HSPA13: variants seen among roughly 807,000 people sequenced by gnomAD.
HSPA13 encodes heat shock protein family A (Hsp70) member 13.
In HSPA13, 29 loss-of-function variants were observed where a neutral mutation model predicts 38.8. The observed-to-expected ratio is 0.75, with a 90% confidence interval of 0.56 to 1.02. The LOEUF is 1.02. Among genes scored for constraint, HSPA13 ranks in the 50% least tolerant of loss-of-function variants. The pLI is 0.00. For missense variants in HSPA13, 451 were observed against 560.9 expected, an observed-to-expected ratio of 0.80 and a Z score of 1.98; for synonymous variants, 192 against 205.3, an observed-to-expected ratio of 0.94 and a Z score of 0.56.
intron 3 of HSPA13, 49 bp downstream of exon 3, chr21:14,378,150 A>G (rs1341067447): frequency 6.8e-7 from 1 of 1,462,964 alleles, no homozygotes; most frequent in Non-Finnish European, 9.6e-7. Context: ...AAGGTTTTCA[A>G]CCCAACACAA....
At chr21:14,380,073 C>T (rs1984128687) in intron 2 of HSPA13, among the ~76,000 whole-genome samples, 1 of 150,108 alleles carries the variant, frequency 6.7e-6, no homozygotes, top group Admixed American at 6.6e-5. Context: ...CACTTCATAA[C>T]TTCCAAGAAA....
chr21:14,372,250 C>T lies in HSPA13; in HGVS notation c.*1367G>A, dbSNP rs529090601. 6.6e-6 allele frequency: 1 copy of T among 151,868 alleles called. No individual in the cohort carries two copies. The highest frequency in any genetic ancestry group is 2.4e-5 in the African/African-American group (1 of 41,458). The allele number at this position is 151,868 out of a possible 1,614,324, so 9.4% of individuals were successfully genotyped here. A position where few individuals can be genotyped will look rare whatever the true frequency, so the allele number is the denominator to read the frequency against. ...ACAATAAAAAACAAAAAAAGGTGAT[C>T]AGGATATAATTTTTGAATAATATGA... On this transcript the variant is annotated 3_prime_UTR_variant, in exon 5 of 5. Transcript: ENST00000285667.
In HSPA13 at chr21:14,372,222, T is replaced by C. The variant is rs1982843821; in HGVS notation, c.*1395A>G. 1 of 151,874 alleles carries C rather than the reference T, an allele frequency of 6.6e-6. No individual in the cohort carries two copies. The highest frequency in any genetic ancestry group is 2.4e-5 in the African/African-American group (1 of 41,350). The allele number at this position is 151,874 out of a possible 1,614,324, so 9.4% of individuals were successfully genotyped here. A position where few individuals can be genotyped will look rare whatever the true frequency, so the allele number is the denominator to read the frequency against. On this transcript the variant is annotated 3_prime_UTR_variant, in exon 5 of 5. Coordinates refer to ENST00000285667, the MANE Select transcript of HSPA13 (RefSeq NM_006948.5). ...TCAGCAATGGATAAAGCAGAGATACTTTACAATAAAAAACAAAAAAAGGTG... is the reference window on the plus strand; with the variant it reads ...TCAGCAATGGATAAAGCAGAGATACCTTACAATAAAAAACAAAAAAAGGTG...
At position 14,374,110 on chromosome 21, in the gene HSPA13, G is replaced by GTCCTGCTCC. The variant is rs775394453; in HGVS notation, c.922_923insGGAGCAGGA (p.Ser308delinsTrpSerArgThr). 2 of 1,614,088 alleles carry GTCCTGCTCC rather than the reference G, an allele frequency of 1.2e-6. No homozygotes were observed. Among genetic ancestry groups the GTCCTGCTCC allele is most frequent in the Non-Finnish European group, 1.7e-6 (2 of 1,180,018 alleles). The stretch of plus-strand genomic sequence containing the variant: ...CTGCTCCTCCACCGTTAGTAATACT[G>GTCCTGCTCC]ACAACTGAGCAGATTGATGAAGAGT... On this transcript the variant is annotated protein_altering_variant, in exon 5 of 5. Transcript: ENST00000285667.
rs771406187 is a variant in HSPA13 at position 14,378,217 on chromosome 21, C to T, written c.562G>A (p.Glu188Lys). The T allele has an allele frequency of 5.6e-6, 9 of 1,613,886 alleles. No homozygotes were observed. The highest frequency in any genetic ancestry group is 4.4e-5 in the South Asian group (4 of 91,078). The part of the protein sequence containing the change: ...FDLKQRNSTI[E>K]AANLAGLKIL... ...CTGTTACCTGCAAGGTTAGCAGCTT[C>T]AATTGTTGAATTTCTCTGTTTTAGA... is the stretch of plus-strand genomic sequence containing the variant. Residue 188 changes from glutamate (E) to lysine (K), a missense_variant, in exon 3 of 5, where the codon GAA becomes AAA. Glu to Lys is a moderately conservative substitution (Grantham distance 56, BLOSUM62 1). Transcript: ENST00000285667.
In HSPA13 at chr21:14,378,298, C is replaced by A. The variant is rs1474919967; in HGVS notation, c.481G>T (p.Ala161Ser). The A allele has an allele frequency of 3.1e-6, 5 of 1,613,760 alleles. No homozygotes were observed. Among genetic ancestry groups the A allele is most frequent in the Admixed American group, 1.7e-5 (1 of 60,006 alleles). ...LLLKLKEMAE[A>S]YLGMPVANAV... ...TTGGCAACTGGCATTCCAAGATATGCCTCTGCCATTTCCTTTAACTTCAAC... is the reference window on the plus strand; with the variant it reads ...TTGGCAACTGGCATTCCAAGATATGACTCTGCCATTTCCTTTAACTTCAAC... Residue 161 changes from alanine (A) to serine (S), a missense_variant, in exon 3 of 5, where the codon GCA (alanine) becomes TCA (serine). By Grantham distance (99) the Ala-to-Ser change is moderately conservative (BLOSUM62 1). Transcript: ENST00000285667.
intron 2 of HSPA13, among the ~76,000 whole-genome samples, chr21:14,379,517 T>C (rs1252831254): frequency 6.6e-6 from 1 of 152,032 alleles, no homozygotes; most frequent in Admixed American, 6.6e-5. Context: ...AGTGCCCACA[T>C]GAAACAAAAA....
At chr21:14,374,611 A>G (rs1204636512) in intron 4 of HSPA13, among the ~76,000 whole-genome samples, 1 of 152,192 alleles carries the variant, frequency 6.6e-6, no homozygotes, top group Non-Finnish European at 1.5e-5. Context: ...TGACTGGGTT[A>G]AAGCTATCTT....
In HSPA13 at chr21:14,371,985, A is replaced by G. The variant is rs1487213834; in HGVS notation, c.*1632T>C. On this transcript the variant is annotated 3_prime_UTR_variant, in exon 5 of 5. Coordinates refer to ENST00000285667, the MANE Select transcript of HSPA13 (RefSeq NM_006948.5). Reference sequence around the variant, plus strand: ...TTCAACAAACATTTTATACTTTTCTATCTACCTACTATACATATTTTCTAT... The same window carrying G: ...TTCAACAAACATTTTATACTTTTCTGTCTACCTACTATACATATTTTCTAT... The G allele has an allele frequency of 6.6e-6, 1 of 152,484 alleles. No individual in the cohort carries two copies. Among genetic ancestry groups the G allele is most frequent in the Non-Finnish European group, 1.5e-5 (1 of 67,946 alleles). The allele number at this position is 152,484 out of a possible 1,614,324, so 9.4% of individuals were successfully genotyped here.
rs773005162 is a variant in HSPA13, at chr21:14,373,756, G to C, written c.1277C>G (p.Pro426Arg). 1.2e-6 allele frequency: 2 copies of C among 1,614,038 alleles called. No individual in the cohort carries two copies. Among genetic ancestry groups the C allele is most frequent in the Non-Finnish European group, 1.7e-6 (2 of 1,180,040 alleles). The change falls in exon 5 of 5, where the codon CCC becomes CGC. Residue 426 changes from proline to arginine, a missense_variant. Coordinates refer to ENST00000285667, the MANE Select transcript of HSPA13 (RefSeq NM_006948.5). ...QVIQEFFGKD[P>R]NTSVDPDLAV... ...TAGGTCAGGGTCTACAGATGTGTTG[G>C]GATCTTTTCCAAAGAACTCTTGAAT...
chr21:14,373,399 A>C lies in HSPA13; in HGVS notation c.*218T>G, dbSNP rs1379622216. 42 of 506,078 alleles carry C rather than the reference A, an allele frequency of 8.3e-5. No individual in the cohort carries two copies. Among genetic ancestry groups the C allele is most frequent in the Non-Finnish European group, 4.2e-5 (12 of 286,390 alleles). 31.3% of individuals were successfully genotyped at this position (506,078 alleles called of 1,614,324 possible). A position where few individuals can be genotyped will look rare whatever the true frequency, so the allele number is the denominator to read the frequency against. ...TTGTACCTCAATTTTATCATTTTAG[A>C]GTATTTGTTAGAATAGGATCTCTCC... On this transcript the variant is annotated 3_prime_UTR_variant, in exon 5 of 5. Coordinates refer to ENST00000285667, the MANE Select transcript of HSPA13 (RefSeq NM_006948.5).
chr21:14,374,148 G>T lies in HSPA13; in HGVS notation c.885C>A (p.Val295=). Residue 295 remains valine (V), a synonymous_variant, in exon 5 of 5, where the codon GTC becomes GTA. Transcript: ENST00000285667. ...IHRLRQAVEM[V]KLNLTLHQSA... Reference sequence around the variant, plus strand: ...ATTGATGAAGAGTCAGATTTAATTTGACCATTTCCACAGCTTGTCTCAATC... The same window carrying T: ...ATTGATGAAGAGTCAGATTTAATTTTACCATTTCCACAGCTTGTCTCAATC... The T allele has an allele frequency of 6.2e-7, 1 of 1,614,006 alleles. No homozygotes were observed. The highest frequency in any genetic ancestry group is 1.1e-5 in the South Asian group (1 of 91,042).
chr21:14,371,362 T>C lies in HSPA13; in HGVS notation c.*2255A>G, dbSNP rs1297957840. ...GACACTTAATATTTTAAAAGTTACATACTTCAAATAACACTGGCTAAATGT... is the reference window on the plus strand; with the variant it reads ...GACACTTAATATTTTAAAAGTTACACACTTCAAATAACACTGGCTAAATGT... On this transcript the variant is annotated 3_prime_UTR_variant, in exon 5 of 5. Transcript: ENST00000285667. 6.6e-6 allele frequency: 1 copy of C among 152,598 alleles called. No homozygotes were observed. The highest frequency in any genetic ancestry group is 1.5e-5 in the Non-Finnish European group (1 of 67,994). The allele number at this position is 152,598 out of a possible 1,614,324, so 9.5% of individuals were successfully genotyped here.
intron 4 of HSPA13, 99 bp downstream of exon 4, chr21:14,375,553 C>T (rs991944805): frequency 6.7e-6 from 5 of 749,814 alleles, no homozygotes; most frequent in African/African-American, 1.8e-5. Context: ...AGGATGGTCT[C>T]GATCTCCCCA....
At chr21:14,377,360 A>AT (rs1984054523) in intron 3 of HSPA13, among the ~76,000 whole-genome samples, 2 of 152,210 alleles carry the variant, frequency 1.3e-5, no homozygotes, top group Admixed American at 1.3e-4. Context: ...TCACCTTAAC[A>AT]TTAACGGAAT....
chr21:14,377,645 G>A (rs1984060807), intron 3 of HSPA13, among the ~76,000 whole-genome samples: 1 of 152,168 alleles, frequency 6.6e-6, no homozygotes, highest in Non-Finnish European at 1.5e-5. Context: ...GACTGGCAGA[G>A]GCAGATCCAC....
rs776581851 is a variant in HSPA13 at position 14,383,081 on chromosome 21, C to A, written c.25+14G>T. On this transcript the variant is annotated intron_variant, in intron 1 of 4. Transcript: ENST00000285667. ...CTACGCCCGCAAGAGCAACAAGGAC[C>A]CCCGGGAACCCACCTAAGATCGTCA... 6 of 1,614,108 alleles carry A rather than the reference C, an allele frequency of 3.7e-6. No homozygotes were observed. The highest frequency in any genetic ancestry group is 5.1e-6 in the Non-Finnish European group (6 of 1,180,000).
intron 3 of HSPA13, among the ~76,000 whole-genome samples, chr21:14,376,293 G>C (rs1481778620): frequency 2.0e-5 from 3 of 152,120 alleles, no homozygotes; most frequent in African/African-American, 4.8e-5. Flanking sequence ...GGCGCCCGTA[G>C]TCCCAGCTAC....
rs1177428503 is a variant in HSPA13, at chr21:14,373,318, T to A, written c.*299A>T. ...TATAGAATATAATGTTAAGTGCATA[T>A]GGTTATCAACCTCCAGAATCCAGAA... On this transcript the variant is annotated 3_prime_UTR_variant, in exon 5 of 5. Transcript: ENST00000285667. The A allele has an allele frequency of 1.0e-5, 3 of 293,896 alleles. No homozygotes were observed. Among genetic ancestry groups the A allele is most frequent in the Non-Finnish European group, 1.9e-5 (3 of 157,372 alleles). 18.2% of individuals were successfully genotyped at this position (293,896 alleles called of 1,614,324 possible).
Sources: gnomAD v4.1 joint callset for allele counts (sites outside exome capture counted in the v4.1 genomes callset) on GRCh38, gnomAD v4.1.1 for gene constraint, MANE v1.5 for transcripts, NCBI Gene and HGNC (gene_info 2026-07-23, HGNC 2026-07-21) for gene names.